Variants in DNM2 observed in about 807,000 individuals in gnomAD.
DNM2 encodes the protein dynamin-2.
Under a neutral mutation model 99.0 loss-of-function variants are expected in DNM2, and 15 were observed. The ratio of observed to expected loss-of-function variants is 0.15; its 90% CI spans 0.10 to 0.23. The LOEUF (loss-of-function observed/expected upper bound fraction) is 0.23. Among genes scored for constraint, DNM2 ranks in the 10% least tolerant of loss-of-function variants. The pLI, the probability that DNM2 is intolerant of heterozygous loss-of-function variation, is 1.00. For missense variants in DNM2, 742 were observed against 1,189.4 expected (o/e 0.62, Z 5.53); for synonymous variants, 525 against 481.2 (o/e 1.09, Z -1.19).
chr19:10,811,676 C>T lies in DNM2; in HGVS notation c.1558-588C>T, dbSNP rs1019063019. 1.9e-6 allele frequency: 1 copy of T among 513,874 alleles called. No individual in the cohort carries two copies. The highest frequency in any genetic ancestry group is 2.0e-5 in the Admixed American group (1 of 50,856). The allele number at this position is 513,874 out of a possible 1,614,324, so 31.8% of individuals were successfully genotyped here. A position where few individuals can be genotyped will look rare whatever the true frequency, so the allele number is the denominator to read the frequency against. ...CCTGCCGTTAGTTGTCAGGTGAGTC[C>T]CTGCGCAGGCCTGGGTTCTGACCCC... On this transcript the variant is annotated intron_variant, in intron 14 of 20. Coordinates refer to ENST00000389253, the MANE Select transcript of DNM2 (RefSeq NM_001005361.3). This position sits in a 1 kb window ranked among gnomAD's most constrained non-coding sequence, Gnocchi z 5.4.
intron 1 of DNM2, chr19:10,718,741 C>T (rs1486539880): frequency 1.0e-5 from 2 of 194,540 alleles, no homozygotes; most frequent in Admixed American, 6.1e-5. Context: ...CCCTCTTCTG[C>T]TCTTTCGGGC....
rs895342634 is a variant in DNM2, at chr19:10,811,478, G to A, written c.1558-786G>A. 60 of 355,836 alleles carry A rather than the reference G, an allele frequency of 1.7e-4. No individual in the cohort carries two copies. The highest frequency in any genetic ancestry group is 1.2e-3 in the African/African-American group (58 of 46,666). 22.0% of individuals were successfully genotyped at this position (355,836 alleles called of 1,614,324 possible). Reference sequence around the variant, plus strand: ...TCGCAGCTGTCCATGGCCATGCTCAGCCCACCCTTTGTAGCTTGGCCAAGT... The same window carrying A: ...TCGCAGCTGTCCATGGCCATGCTCAACCCACCCTTTGTAGCTTGGCCAAGT... On this transcript the variant is annotated intron_variant, in intron 14 of 20. Coordinates refer to ENST00000389253, the MANE Select transcript of DNM2 (RefSeq NM_001005361.3). The surrounding 1 kb of genome is among the most constrained non-coding windows in gnomAD (Gnocchi z 5.4).
rs59755624 is a variant in DNM2 at position 10,739,861 on chromosome 19, CAAAAAAAA to C, written c.162-19858_162-19851del. Among the ~76,000 whole-genome samples the C allele has an allele frequency of 5.0e-3, 164 of 32,654 alleles. 2 individuals carry two copies. Among genetic ancestry groups the C allele is most frequent in the African/African-American group, 0.019 (159 of 8,578 alleles). The allele number at this position is 32,654 out of a possible 152,430, so 21.4% of individuals were successfully genotyped here. ...ACAGAGCAAGACTCTCTCTCTCTCT[CAAAAAAAA>C]AAAAAAAAAAAAAAAAAAGAATTCA... On this transcript the variant is annotated intron_variant, in intron 1 of 20. Transcript: ENST00000389253.
At position 10,775,372 on chromosome 19, in the gene DNM2, G is replaced by T. The variant is rs576601181; in HGVS notation, c.386-331G>T. Among the ~76,000 whole-genome samples the T allele has an allele frequency of 9.2e-5, 14 of 152,290 alleles. No homozygotes were observed. The highest frequency in any genetic ancestry group is 3.4e-4 in the African/African-American group (14 of 41,568). Reference sequence around the variant, plus strand: ...GCTGGGATTGCAGATGTGAGCCACCGCACCCAGCCTCATCTGTTTGTCTGT... The same window carrying T: ...GCTGGGATTGCAGATGTGAGCCACCTCACCCAGCCTCATCTGTTTGTCTGT... On this transcript the variant is annotated intron_variant, in intron 3 of 20. Coordinates refer to ENST00000389253, the MANE Select transcript of DNM2 (RefSeq NM_001005361.3). The surrounding 1 kb of genome is among the most constrained non-coding windows in gnomAD (Gnocchi z 4.3).
In DNM2 at chr19:10,798,562, C is replaced by CG. The variant is rs760670264; in HGVS notation, c.1413dup (p.Lys472GlufsTer11). 1 of 1,614,226 alleles carries CG rather than the reference C, an allele frequency of 6.2e-7. No individual in the cohort carries two copies. Among genetic ancestry groups the CG allele is most frequent in the Admixed American group, 1.7e-5 (1 of 60,034 alleles). On this transcript the variant is annotated frameshift_variant, in exon 11 of 21. Coordinates refer to ENST00000389253, the MANE Select transcript of DNM2 (RefSeq NM_001005361.3). LOFTEE classifies it high-confidence loss of function. ...TACATCCGGGAACGGGAGGGGAGAA[C>CG]GAAGGACCAGGTACTGGCCTTTTGT...
rs374047080 is a variant in DNM2, at chr19:10,812,390, C to T, written c.1671+13C>T. 1.4e-5 allele frequency: 23 copies of T among 1,591,588 alleles called. No homozygotes were observed. In the Admixed American group the frequency reaches 2.7e-4, roughly 18 times the overall value. On this transcript the variant is annotated intron_variant, in intron 15 of 20. Coordinates refer to ENST00000389253, the MANE Select transcript of DNM2 (RefSeq NM_001005361.3). The surrounding 1 kb of genome is among the most constrained non-coding windows in gnomAD (Gnocchi z 4.0). ...CAAGGATGAGGAGGTGAGTGGCAGG[C>T]GGGAGCAGGGCTGCTGGGGTAGGTG...
In DNM2 at chr19:10,831,893, C is replaced by T. The variant is rs557005694; in HGVS notation, c.*846C>T. 1.4e-5 allele frequency: 14 copies of T among 1,029,352 alleles called. No homozygotes were observed. In the South Asian group the frequency reaches 2.1e-4, roughly 16 times the overall value. The allele number at this position is 1,029,352 out of a possible 1,614,324, so 63.8% of individuals were successfully genotyped here. ...TTAATAAACTAAAATAAAGGGAAGA[C>T]GCTGCTGGTGGCTGCTGTGTGGGCC... On this transcript the variant is annotated 3_prime_UTR_variant, in exon 21 of 21. Coordinates refer to ENST00000389253, the MANE Select transcript of DNM2 (RefSeq NM_001005361.3). The surrounding 1 kb of genome is among the most constrained non-coding windows in gnomAD (Gnocchi z 4.3).
chr19:10,779,772 G>T (rs2071295532), intron 5 of DNM2, among the ~76,000 whole-genome samples: 2 of 151,904 alleles, frequency 1.3e-5, no homozygotes, highest in African/African-American at 4.8e-5. Context: ...TGCAACCTCT[G>T]CCTCCTGAGT....
Position 10,812,202 on chromosome 19 carries a change from G to A in DNM2, c.1558-62G>A, listed in dbSNP as rs774174029. The A allele has an allele frequency of 1.2e-5, 17 of 1,446,150 alleles. 1 individual carries two copies. In the African/African-American group the frequency reaches 2.4e-4, roughly 20 times the overall value. The allele number at this position is 1,446,150 out of a possible 1,614,324, so 89.6% of individuals were successfully genotyped here. A position where few individuals can be genotyped will look rare whatever the true frequency, so the allele number is the denominator to read the frequency against. On this transcript the variant is annotated intron_variant, in intron 14 of 20. Transcript: ENST00000389253. This position sits in a 1 kb window ranked among gnomAD's most constrained non-coding sequence, Gnocchi z 4.0. ...CCACTGAGCTGTGGGCAAGGCTGCT[G>A]CGCTGGGGGATGGCTGGGGCACGGA...
chr19:10,790,542 A>G (rs934646309), intron 7 of DNM2, among the ~76,000 whole-genome samples: 19 of 152,122 alleles, frequency 1.2e-4, no homozygotes, highest in African/African-American at 4.6e-4. Context: ...GCATGATCTC[A>G]GCTCACTGCA....
Position 10,829,179 on chromosome 19 carries a change from C to T in DNM2, c.2202C>T (p.Asn734=). 1 of 1,614,072 alleles carries T rather than the reference C, an allele frequency of 6.2e-7. No individual in the cohort carries two copies. Among genetic ancestry groups the T allele is most frequent in the East Asian group, 2.2e-5 (1 of 44,886 alleles). ...RMYHALKEAL[N]IIGDISTSTV... ...ACCATGCCCTCAAGGAGGCGCTCAA[C>T]ATCATCGGTGACATCAGCACCAGCA... is the stretch of plus-strand genomic sequence containing the variant. The change falls in exon 19 of 21, where the codon AAC becomes AAT. Residue 734 remains asparagine, a synonymous_variant. Transcript: ENST00000389253.
intron 1 of DNM2, among the ~76,000 whole-genome samples, chr19:10,737,743 C>T (rs979685456): frequency 2.0e-5 from 3 of 152,180 alleles, no homozygotes; most frequent in African/African-American, 7.2e-5. Flanking sequence ...CCTTGGCCTC[C>T]CAAAGTGCTG....
In DNM2 at chr19:10,818,028, G is replaced by A. The variant is rs974353813; in HGVS notation, c.1672-1952G>A. On this transcript the variant is annotated intron_variant, in intron 15 of 20. Transcript: ENST00000389253. This position sits in a 1 kb window ranked among gnomAD's most constrained non-coding sequence, Gnocchi z 4.3. ...TGGGCAAACGTCCGAGCCGGGGGCA[G>A]GGCTTCTGCAGAGCCCCCTCCCCTA... Among the ~76,000 whole-genome samples, 1 of 152,156 alleles carries A rather than the reference G, an allele frequency of 6.6e-6. No individual in the cohort carries two copies. The highest frequency in any genetic ancestry group is 6.5e-5 in the Admixed American group (1 of 15,274).
intron 1 of DNM2, among the ~76,000 whole-genome samples, chr19:10,726,077 G>T (rs1486104079): frequency 6.6e-6 from 1 of 151,960 alleles, no homozygotes; most frequent in Non-Finnish European, 1.5e-5. Context: ...AAATTAGGTG[G>T]GTGTGGTGGC....
In DNM2 at chr19:10,796,084, T is replaced by C; in HGVS notation, c.1196+645T>C. ...AGGACCGGGCTTTTCACCCCGGACTTGGCATTCGAGGCCATTGTGAAAAAG... is the reference window on the plus strand; with the variant it reads ...AGGACCGGGCTTTTCACCCCGGACTCGGCATTCGAGGCCATTGTGAAAAAG... On this transcript the variant is annotated intron_variant, in intron 9 of 20. Transcript: ENST00000389253. This position sits in a 1 kb window ranked among gnomAD's most constrained non-coding sequence, Gnocchi z 5.6. 6.2e-7 allele frequency: 1 copy of C among 1,613,888 alleles called. No homozygotes were observed. The highest frequency in any genetic ancestry group is 8.5e-7 in the Non-Finnish European group (1 of 1,180,012).
At chr19:10,819,637 C>T (rs746513677) in intron 15 of DNM2, among the ~76,000 whole-genome samples, 2 of 152,078 alleles carry the variant, frequency 1.3e-5, no homozygotes, top group African/African-American at 2.4e-5. Context: ...GCGCAGGATA[C>T]GTGACGTGTT....
intron 1 of DNM2, among the ~76,000 whole-genome samples, chr19:10,728,863 C>T (rs888942066): frequency 2.0e-5 from 3 of 151,762 alleles, no homozygotes; most frequent in Non-Finnish European, 4.4e-5. Context: ...GGGAGGATCT[C>T]CTGAGCCCAG....
chr19:10,718,120 C>A lies in DNM2; in HGVS notation c.-123C>A. On this transcript the variant is annotated 5_prime_UTR_variant, in exon 1 of 21. Coordinates refer to ENST00000389253, the MANE Select transcript of DNM2 (RefSeq NM_001005361.3). ...GGCGACCGTGAGGCCGAGCCGGGAGCGGGCGTCTTGCCGAGGCCCGGGCGG... is the reference window on the plus strand; with the variant it reads ...GGCGACCGTGAGGCCGAGCCGGGAGAGGGCGTCTTGCCGAGGCCCGGGCGG... 4 of 1,119,352 alleles carry A rather than the reference C, an allele frequency of 3.6e-6. No individual in the cohort carries two copies. Among genetic ancestry groups the A allele is most frequent in the Non-Finnish European group, 4.5e-6 (4 of 880,128 alleles). 69.3% of individuals were successfully genotyped at this position (1,119,352 alleles called of 1,614,324 possible).
Position 10,830,048 on chromosome 19 carries a change from G to A in DNM2, c.2292-79G>A. ...GTCCCCATAGCCAGCCCCCACCTCA[G>A]GTTCTGGCAGCCACAGTGGCATGGC... On this transcript the variant is annotated intron_variant, in intron 19 of 20. Coordinates refer to ENST00000389253, the MANE Select transcript of DNM2 (RefSeq NM_001005361.3). The surrounding 1 kb of genome is among the most constrained non-coding windows in gnomAD (Gnocchi z 4.8). 2 of 1,604,604 alleles carry A rather than the reference G, an allele frequency of 1.2e-6. No individual in the cohort carries two copies. The highest frequency in any genetic ancestry group is 1.7e-6 in the Non-Finnish European group (2 of 1,171,470).
Sources: gnomAD v4.1 joint callset for allele counts (sites outside exome capture counted in the v4.1 genomes callset) on GRCh38, gnomAD v4.1.1 for gene constraint, Gnocchi (gnomAD v3.1) non-coding constraint, MANE v1.5 for transcripts, NCBI Gene and HGNC (gene_info 2026-07-23, HGNC 2026-07-21) for gene names.